NUMB: variants seen among roughly 807,000 people sequenced by gnomAD.
The protein encoded by NUMB is protein numb homolog.
Under a neutral mutation model 59.7 loss-of-function variants are expected in NUMB, and 29 were observed. That is an observed-to-expected ratio of 0.49 (90% CI 0.36 to 0.66). NUMB has a LOEUF of 0.66. Ranked by LOEUF, NUMB falls within the 30% of genes least tolerant of loss-of-function variation. NUMB has a pLI of 0.00. For synonymous variants in NUMB, 288 were observed against 288.2 expected (o/e 1.00, Z 0.01); for missense variants, 723 against 822.0 (o/e 0.88, Z 1.47).
intron 1 of NUMB, among the ~76,000 whole-genome samples, chr14:73,433,930 C>T (rs1310317093): frequency 6.6e-6 from 1 of 152,052 alleles, no homozygotes; most frequent in Admixed American, 6.6e-5. Context: ...CCCGTCTCTA[C>T]TAAAAATACA....
In NUMB at chr14:73,445,381, A is replaced by AAAAAAAAC. The variant is rs1555384195; in HGVS notation, c.-233+13111_-233+13112insGTTTTTTT. Among the ~76,000 whole-genome samples, 100 of 129,832 alleles carry AAAAAAAAC rather than the reference A, an allele frequency of 7.7e-4. 3 individuals are homozygous for AAAAAAAAC. The highest frequency in any genetic ancestry group is 1.4e-3 in the Non-Finnish European group (84 of 60,460). The allele number at this position is 129,832 out of a possible 152,430, so 85.2% of individuals were successfully genotyped here. A position where few individuals can be genotyped will look rare whatever the true frequency, so the allele number is the denominator to read the frequency against. ...AAAAAAAAAAAAAAAAAAAAAAAAA[A>AAAAAAAAC]AAAAAAAAAAAAAAACTTACAGCTG... On this transcript the variant is annotated intron_variant, in intron 1 of 12. Coordinates refer to ENST00000555238, the MANE Select transcript of NUMB (RefSeq NM_001005743.2).
rs1235377840 is a variant in NUMB, at chr14:73,276,585, T to G, written c.1949A>C (p.Glu650Ala). Residue 650 changes from glutamate to alanine, a missense_variant, in exon 13 of 13, where the codon GAA (glutamate) becomes GCA (alanine). Coordinates refer to ENST00000555238, the MANE Select transcript of NUMB (RefSeq NM_001005743.2). ...SSDLQKTFEIEL is the reference protein window; with the variant it reads ...SSDLQKTFEIAL ...CATAGCCATAATGATTGCTTAAAGT[T>G]CAATTTCAAACGTCTTCTGTAAGTC... 2.5e-6 allele frequency: 4 copies of G among 1,611,474 alleles called. No homozygotes were observed. The highest frequency in any genetic ancestry group is 2.5e-6 in the Non-Finnish European group (3 of 1,178,218).
chr14:73,425,739 TG>T (rs920815578), intron 1 of NUMB, among the ~76,000 whole-genome samples: 2 of 152,024 alleles, frequency 1.3e-5, no homozygotes, highest in Admixed American at 1.3e-4. Context: ...TGTGTATAAG[TG>T]TGTATAATCT....
intron 4 of NUMB, among the ~76,000 whole-genome samples, chr14:73,335,844 T>C (rs138071236): frequency 2.0e-5 from 3 of 152,204 alleles, no homozygotes; most frequent in South Asian, 4.1e-4. Context: ...CATACATACA[T>C]AGCCTATGCT....
intron 8 of NUMB, among the ~76,000 whole-genome samples, chr14:73,288,776 T>C (rs1889188351): frequency 6.6e-6 from 1 of 151,514 alleles, no homozygotes; most frequent in African/African-American, 2.4e-5. Context: ...GGAGAATCAC[T>C]TGAACCCAGG....
intron 5 of NUMB, among the ~76,000 whole-genome samples, chr14:73,316,669 C>G (rs1891101230): frequency 6.6e-6 from 1 of 152,160 alleles, no homozygotes; most frequent in Non-Finnish European, 1.5e-5. Context: ...GAACCTGTAT[C>G]CATGCAGAGC....
At chr14:73,437,534 T>A (rs1438801905) in intron 1 of NUMB, among the ~76,000 whole-genome samples, 8 of 152,186 alleles carry the variant, frequency 5.3e-5, no homozygotes, top group African/African-American at 1.2e-4. Flanking sequence ...TTCTATTGAT[T>A]ATGGTTTCCT....
intron 8 of NUMB, among the ~76,000 whole-genome samples, chr14:73,288,890 A>G (rs542181385): frequency 1.3e-4 from 20 of 152,064 alleles, no homozygotes; most frequent in Middle Eastern, 3.2e-3. Flanking sequence ...AAAAAGAAAA[A>G]GAAAAAATTA....
In NUMB at chr14:73,397,538, C is replaced by G. The variant is rs548896485; in HGVS notation, c.-101+12399G>C. ...ATTGGCTCTGGTGAGATAGTGCTAG[C>G]TGGTCCAAGCACACTAACTAGAAAA... is the stretch of plus-strand genomic sequence containing the variant. On this transcript the variant is annotated intron_variant, in intron 2 of 12. Coordinates refer to ENST00000555238, the MANE Select transcript of NUMB (RefSeq NM_001005743.2). Among the ~76,000 whole-genome samples the G allele has an allele frequency of 5.9e-5, 9 of 152,256 alleles. No homozygotes were observed. The South Asian group carries it at 1.9e-3, about 32-fold the overall frequency.
chr14:73,445,381 A>AAAAAAAAAAAAAAAAAAAAC, intron 1 of NUMB, among the ~76,000 whole-genome samples: 1 of 129,790 alleles, frequency 7.7e-6, no homozygotes, highest in Non-Finnish European at 1.7e-5. Context: ...AAAAAAAAAA[A>AAAAAAAAAAAAAAAAAAAAC]AAAAAAAAAA....
chr14:73,278,045 CAAAAAAAAA>C (rs57146032), intron 12 of NUMB, among the ~76,000 whole-genome samples: 1 of 69,236 alleles, frequency 1.4e-5, no homozygotes, highest in Non-Finnish European at 2.6e-5. Context: ...GACTCCGTCT[CAAAAAAAAA>C]AAAAAAAAAA....
intron 4 of NUMB, among the ~76,000 whole-genome samples, chr14:73,332,254 CTTTTTT>C: frequency 6.7e-6 from 1 of 148,526 alleles, no homozygotes; most frequent in East Asian, 2.0e-4. Context: ...ATTCTTTTTT[CTTTTTT>C]TTTTCTTTTT....
At chr14:73,370,805 AT>A (rs1193125299) in intron 2 of NUMB, among the ~76,000 whole-genome samples, 1 of 152,052 alleles carries the variant, frequency 6.6e-6, no homozygotes, top group Non-Finnish European at 1.5e-5. Context: ...ATTTTTTGTC[AT>A]TTCTGTGAAT....
Position 73,368,584 on chromosome 14 carries a change from C to CA in NUMB, c.-100-1604dup, listed in dbSNP as rs993447473. On this transcript the variant is annotated intron_variant, in intron 2 of 12. Coordinates refer to ENST00000555238, the MANE Select transcript of NUMB (RefSeq NM_001005743.2). ...GGCAACAAGAGCAAGACTCCGTCTCCAAAAAAAAACAAAAAAAAAATTGAA... is the reference window on the plus strand; with the variant it reads ...GGCAACAAGAGCAAGACTCCGTCTCCAAAAAAAAAACAAAAAAAAAATTGAA... Among the ~76,000 whole-genome samples the CA allele has an allele frequency of 6.5e-3, 880 of 134,540 alleles. 7 individuals are homozygous for CA. Among genetic ancestry groups the CA allele is most frequent in the African/African-American group, 0.022 (802 of 36,512 alleles). The allele number at this position is 134,540 out of a possible 152,430, so 88.3% of individuals were successfully genotyped here.
chr14:73,383,808 G>C (rs1370678586), intron 2 of NUMB, among the ~76,000 whole-genome samples: 11 of 152,088 alleles, frequency 7.2e-5, no homozygotes, highest in Admixed American at 7.2e-4. Context: ...CTGAGGTCAG[G>C]AGTTCGAGAC....
intron 1 of NUMB, among the ~76,000 whole-genome samples, chr14:73,427,926 A>G (rs560932978): frequency 2.0e-5 from 3 of 152,354 alleles, no homozygotes; most frequent in African/African-American, 7.2e-5. Flanking sequence ...CCTAACTGAC[A>G]GCCCTTGAAA....
intron 2 of NUMB, among the ~76,000 whole-genome samples, chr14:73,381,680 T>C (rs993175945): frequency 2.0e-5 from 3 of 152,184 alleles, no homozygotes; most frequent in African/African-American, 7.2e-5. Context: ...AAAGGCACCT[T>C]TCCTCCCTAC....
intron 4 of NUMB, among the ~76,000 whole-genome samples, chr14:73,334,908 C>T (rs1227693714): frequency 1.4e-5 from 2 of 144,464 alleles, no homozygotes; most frequent in East Asian, 4.2e-4. Flanking sequence ...GAAATTGCGC[C>T]ACTGCACTCC....
chr14:73,355,041 C>A (rs1016563850), intron 4 of NUMB, among the ~76,000 whole-genome samples: 1 of 152,054 alleles, frequency 6.6e-6, no homozygotes, highest in African/African-American at 2.4e-5. Flanking sequence ...TTTCATTTCA[C>A]TAAAATATGA....
Sources: allele counts gnomAD v4.1 joint callset (sites outside exome capture counted in the v4.1 genomes callset), GRCh38; gene constraint gnomAD v4.1.1; transcripts MANE v1.5; gene names NCBI Gene and HGNC (gene_info 2026-07-23, HGNC 2026-07-21).